The following AGPAT3 variants were observed in gnomAD, a reference collection of about 807,000 sequenced individuals.
The protein encoded by AGPAT3 is 1-acyl-sn-glycerol-3-phosphate acyltransferase gamma.
A neutral mutation model predicts 47.3 loss-of-function variants in AGPAT3; 5 were observed. That is an observed-to-expected ratio of 0.11 (90% CI 0.06 to 0.22). The LOEUF (loss-of-function observed/expected upper bound fraction) is 0.22. Ranked by LOEUF, AGPAT3 falls within the 10% of genes least tolerant of loss-of-function variation. The pLI, the probability that AGPAT3 is intolerant of heterozygous loss-of-function variation, is 1.00. For missense variants in AGPAT3, 315 were observed against 493.0 expected, an observed-to-expected ratio of 0.64 and a Z score of 3.42; for synonymous variants, 212 against 208.3, an observed-to-expected ratio of 1.02 and a Z score of -0.15.
intron 1 of AGPAT3, among the ~76,000 whole-genome samples, chr21:43,871,778 T>C (rs1004025757): frequency 6.6e-6 from 1 of 152,258 alleles, no homozygotes; most frequent in Non-Finnish European, 1.5e-5. Context: ...TTCCATATTA[T>C]ATATTTCCTT....
In AGPAT3 at chr21:43,985,392, T is replaced by C; in HGVS notation, c.*3000T>C. ...AAACAACAATGTAAGCAGCACTTTC[T>C]TGTGTAAAAAAAAAAAAAAAGCACG... On this transcript the variant is annotated 3_prime_UTR_variant, in exon 10 of 10. Coordinates refer to ENST00000291572, the MANE Select transcript of AGPAT3 (RefSeq NM_020132.5). 1 of 319,428 alleles carries C rather than the reference T, an allele frequency of 3.1e-6. No homozygotes were observed. Among genetic ancestry groups the C allele is most frequent in the South Asian group, 2.5e-5 (1 of 40,614 alleles). 19.8% of individuals were successfully genotyped at this position (319,428 alleles called of 1,614,324 possible).
At chr21:43,925,706 T>A (rs1449822628) in intron 2 of AGPAT3, among the ~76,000 whole-genome samples, 1 of 152,236 alleles carries the variant, frequency 6.6e-6, no homozygotes, top group Non-Finnish European at 1.5e-5. Flanking sequence ...TTGTTGCCCC[T>A]GCACCCCATA....
intron 6 of AGPAT3, 127 bp from the exon 7 acceptor site, chr21:43,971,261 G>A (rs765931684): frequency 1.5e-4 from 112 of 749,068 alleles, no homozygotes; most frequent in Non-Finnish European, 1.5e-4. Flanking sequence ...TCCCCAGGAC[G>A]GGGCCAGACC....
At chr21:43,865,806 G>A (rs1182476148) in intron 1 of AGPAT3, among the ~76,000 whole-genome samples, 3 of 152,024 alleles carry the variant, frequency 2.0e-5, no homozygotes, top group East Asian at 3.9e-4. Context: ...CGCGCCCGCC[G>A]CCTGGTTTCG....
intron 2 of AGPAT3, among the ~76,000 whole-genome samples, chr21:43,926,011 TCA>T (rs2087041657): frequency 6.6e-6 from 1 of 152,264 alleles, no homozygotes; most frequent in Admixed American, 6.5e-5. Flanking sequence ...GTACTGGATT[TCA>T]GTGTCCGATG....
chr21:43,963,707 C>CA (rs10582784), intron 3 of AGPAT3, among the ~76,000 whole-genome samples: 1,606 of 65,124 alleles, frequency 0.025, 45 homozygotes, highest in African/African-American at 0.045. Context: ...GACTCTGTCT[C>CA]AAAAAAAAAA....
chr21:43,895,510 T>A lies in AGPAT3; in HGVS notation c.-111-8447T>A, dbSNP rs1287795008. Among the ~76,000 whole-genome samples, 8 of 11,136 alleles carry A rather than the reference T, an allele frequency of 7.2e-4. No homozygotes were observed. The South Asian group carries it at 0.024, about 33-fold the overall frequency. The allele number at this position is 11,136 out of a possible 152,430, so 7.3% of individuals were successfully genotyped here. On this transcript the variant is annotated intron_variant, in intron 1 of 9. Coordinates refer to ENST00000291572, the MANE Select transcript of AGPAT3 (RefSeq NM_020132.5). ...CGTCAGCCTATATGTAGTGACAGGA[T>A]TTTTTTTTTTTTTTTTTTTTACTAT...
chr21:43,924,455 A>G (rs1327704155), intron 2 of AGPAT3, among the ~76,000 whole-genome samples: 1 of 152,246 alleles, frequency 6.6e-6, no homozygotes, highest in East Asian at 1.9e-4. Flanking sequence ...ACTAAGACCA[A>G]TAAATACCTG....
chr21:43,975,426 A>G (rs1160455082), intron 7 of AGPAT3, among the ~76,000 whole-genome samples: 1 of 151,916 alleles, frequency 6.6e-6, no homozygotes, highest in African/African-American at 2.4e-5. Flanking sequence ...TGTATGACGC[A>G]TGCTGGCGTG....
intron 1 of AGPAT3, among the ~76,000 whole-genome samples, chr21:43,874,660 G>T (rs888314753): frequency 1.3e-5 from 2 of 152,170 alleles, no homozygotes; most frequent in Non-Finnish European, 1.5e-5. Context: ...TCCTGTGTCA[G>T]TAGTAAGCTT....
chr21:43,876,237 T>C (rs962137951), intron 1 of AGPAT3, among the ~76,000 whole-genome samples: 7 of 152,376 alleles, frequency 4.6e-5, no homozygotes, highest in Non-Finnish European at 8.8e-5. Context: ...ACTTATTTTC[T>C]ATACTGTAAC....
In AGPAT3 at chr21:43,933,647, TG is replaced by T. The variant is rs1170034675; in HGVS notation, c.-48-25983del. On this transcript the variant is annotated intron_variant, in intron 2 of 9. Coordinates refer to ENST00000291572, the MANE Select transcript of AGPAT3 (RefSeq NM_020132.5). This position sits in a 1 kb window ranked among gnomAD's most constrained non-coding sequence, Gnocchi z 6.0. ...GGCACAGCTTGGAAGCGGTTGGCAC[TG>T]GGGTTAGGCTCCAGTAGTCTCGGCA... Among the ~76,000 whole-genome samples the T allele has an allele frequency of 6.6e-6, 1 of 151,918 alleles. No homozygotes were observed. The highest frequency in any genetic ancestry group is 1.5e-5 in the Non-Finnish European group (1 of 67,992).
At chr21:43,926,155 C>G (rs371912074) in intron 2 of AGPAT3, among the ~76,000 whole-genome samples, 2 of 152,206 alleles carry the variant, frequency 1.3e-5, no homozygotes, top group Non-Finnish European at 2.9e-5. Flanking sequence ...TGCCTTCTCC[C>G]GCTGGGTCAG....
At position 43,961,320 on chromosome 21, in the gene AGPAT3, G is replaced by A. The variant is rs115791028; in HGVS notation, c.178+1461G>A. Among the ~76,000 whole-genome samples, 16 of 152,124 alleles carry A rather than the reference G, an allele frequency of 1.1e-4. No homozygotes were observed. The South Asian group carries it at 2.3e-3, about 22-fold the overall frequency. ...TCGTCTCATATGGGAAACGGTGAGC[G>A]CATAGACACTTTGTCTCGTGGGAAA... On this transcript the variant is annotated intron_variant, in intron 3 of 9. Coordinates refer to ENST00000291572, the MANE Select transcript of AGPAT3 (RefSeq NM_020132.5).
intron 2 of AGPAT3, among the ~76,000 whole-genome samples, chr21:43,905,077 C>T (rs1210145385): frequency 6.6e-6 from 1 of 152,114 alleles, no homozygotes; most frequent in African/African-American, 2.4e-5. Context: ...CATTGCTGAC[C>T]ATCTGAGCTG....
chr21:43,899,525 C>T lies in AGPAT3; in HGVS notation c.-111-4432C>T, dbSNP rs58169614. On this transcript the variant is annotated intron_variant, in intron 1 of 9. Coordinates refer to ENST00000291572, the MANE Select transcript of AGPAT3 (RefSeq NM_020132.5). ...TTAGAAGGTCTGAGCGATTCGTGACCGGATCCCCGGGACGCCCTTGCCCTT... is the reference window on the plus strand; with the variant it reads ...TTAGAAGGTCTGAGCGATTCGTGACTGGATCCCCGGGACGCCCTTGCCCTT... Among the ~76,000 whole-genome samples the T allele has an allele frequency of 8.9e-3, 1,361 of 152,298 alleles. 23 individuals are homozygous for T. Among genetic ancestry groups the T allele is most frequent in the African/African-American group, 0.031 (1,277 of 41,548 alleles).
At chr21:43,961,207 T>C (rs2088817685) in intron 3 of AGPAT3, among the ~76,000 whole-genome samples, 1 of 152,044 alleles carries the variant, frequency 6.6e-6, no homozygotes, top group Non-Finnish European at 1.5e-5. Context: ...GATGCTGATA[T>C]CCAGGGAGTG....
intron 5 of AGPAT3, 113 bp downstream of exon 5, chr21:43,969,392 T>TG: frequency 7.3e-7 from 1 of 1,375,116 alleles, no homozygotes; most frequent in South Asian, 1.3e-5. Context: ...CCTCTGCACA[T>TG]GGGGTGCTGT....
At chr21:43,923,536 C>T (rs2086958907) in intron 2 of AGPAT3, among the ~76,000 whole-genome samples, 1 of 152,170 alleles carries the variant, frequency 6.6e-6, no homozygotes, top group African/African-American at 2.4e-5. Context: ...GGGCCCAGTC[C>T]CACAAGACTG....
Sources: allele counts gnomAD v4.1 joint callset (sites outside exome capture counted in the v4.1 genomes callset), GRCh38; gene constraint gnomAD v4.1.1; non-coding constraint Gnocchi (gnomAD v3.1); transcripts MANE v1.5; gene names NCBI Gene and HGNC (gene_info 2026-07-23, HGNC 2026-07-21).